PPP2R2B: variants seen among roughly 807,000 people sequenced by gnomAD.
PPP2R2B encodes the protein serine/threonine-protein phosphatase 2A 55 kDa regulatory subunit B beta isoform.
Under a neutral mutation model 46.0 loss-of-function variants are expected in PPP2R2B, and 5 were observed. The ratio of observed to expected loss-of-function variants is 0.11; its 90% CI spans 0.06 to 0.23. The LOEUF is 0.23. PPP2R2B is among the 10% of genes least tolerant of loss of function. PPP2R2B has a pLI of 1.00. For synonymous variants in PPP2R2B, 215 were observed against 206.7 expected (o/e 1.04, Z -0.34); for missense variants, 367 against 575.0 (o/e 0.64, Z 3.70).
chr5:147,053,214 TA>T (rs746583520), intron 1 of PPP2R2B, among the ~76,000 whole-genome samples: 37 of 80,986 alleles, frequency 4.6e-4, no homozygotes, highest in Middle Eastern at 9.1e-3. Context: ...CTTCCTGCAT[TA>T]AAAAAAAAAA....
At chr5:146,649,738 C>G (rs1196711786) in intron 6 of PPP2R2B, among the ~76,000 whole-genome samples, 4 of 152,212 alleles carry the variant, frequency 2.6e-5, no homozygotes, top group Non-Finnish European at 5.9e-5. Flanking sequence ...GCATAAGCCA[C>G]TGCGGCCAGC....
intron 5 of PPP2R2B, among the ~76,000 whole-genome samples, chr5:146,651,471 C>T (rs980256689): frequency 1.3e-5 from 2 of 152,110 alleles, no homozygotes; most frequent in Admixed American, 1.3e-4. Context: ...TGATTTCTTT[C>T]TGGTGGATCA....
intron 2 of PPP2R2B, among the ~76,000 whole-genome samples, chr5:146,865,510 C>T (rs113664188): frequency 0.018 from 2,716 of 152,230 alleles, 49 homozygotes; most frequent in Non-Finnish European, 0.029. Flanking sequence ...TTCATATTCA[C>T]GTGTGTTTTT....
chr5:146,891,048 C>T (rs749038017), intron 1 of PPP2R2B, among the ~76,000 whole-genome samples: 2 of 152,170 alleles, frequency 1.3e-5, no homozygotes, highest in Non-Finnish European at 2.9e-5. Context: ...GCTATCATGT[C>T]CCCAGCAAAT....
chr5:146,961,021 T>A (rs905070888), intron 1 of PPP2R2B, among the ~76,000 whole-genome samples: 3 of 152,230 alleles, frequency 2.0e-5, no homozygotes, highest in Non-Finnish European at 2.9e-5. Flanking sequence ...TTGCCCCAGC[T>A]TTTATCCTCT....
chr5:146,774,201 C>T (rs1271426201), intron 2 of PPP2R2B, among the ~76,000 whole-genome samples: 1 of 152,104 alleles, frequency 6.6e-6, no homozygotes, highest in Non-Finnish European at 1.5e-5. Flanking sequence ...ATGATAATAC[C>T]TAACTCATGG....
At chr5:146,689,118 C>A (rs1287988624) in intron 5 of PPP2R2B, among the ~76,000 whole-genome samples, 2 of 152,076 alleles carry the variant, frequency 1.3e-5, no homozygotes, top group Non-Finnish European at 2.9e-5. Flanking sequence ...GCCATGATGA[C>A]GATGATGTTA....
At chr5:147,031,118 T>TC (rs1340360376) in intron 1 of PPP2R2B, among the ~76,000 whole-genome samples, 1 of 151,828 alleles carries the variant, frequency 6.6e-6, no homozygotes, top group African/African-American at 2.4e-5. Context: ...GCCCCTGTAG[T>TC]CCCAGCCACT....
At chr5:146,931,715 T>C (rs528680532) in intron 1 of PPP2R2B, among the ~76,000 whole-genome samples, 1 of 152,272 alleles carries the variant, frequency 6.6e-6, no homozygotes, top group East Asian at 1.9e-4. Context: ...ACTGAAATTG[T>C]CCAAAGTGAG....
rs1209706969 is a variant in PPP2R2B, at chr5:146,878,240, G to A, written c.-124-45C>T. On this transcript the variant is annotated intron_variant, in intron 1 of 9. Transcript: ENST00000394411. This position sits in a 1 kb window ranked among gnomAD's most constrained non-coding sequence, Gnocchi z 4.5. ...GCGGAGAGAAAAAAAATAAAAACCC[G>A]GCAATGGAGCTGTCACCTCCTCCAC... is the stretch of plus-strand genomic sequence containing the variant. 2.0e-6 allele frequency: 3 copies of A among 1,520,974 alleles called. No homozygotes were observed. The highest frequency in any genetic ancestry group is 2.6e-6 in the Non-Finnish European group (3 of 1,136,158). 94.2% of individuals were successfully genotyped at this position (1,520,974 alleles called of 1,614,324 possible). A position where few individuals can be genotyped will look rare whatever the true frequency, so the allele number is the denominator to read the frequency against.
intron 1 of PPP2R2B, among the ~76,000 whole-genome samples, chr5:146,906,792 T>C (rs1763014486): frequency 6.6e-6 from 1 of 152,226 alleles, no homozygotes; most frequent in Non-Finnish European, 1.5e-5. Flanking sequence ...GGCAGTACTG[T>C]TCTACCTCAT....
intron 2 of PPP2R2B, among the ~76,000 whole-genome samples, chr5:146,729,591 C>T (rs1182213722): frequency 6.6e-6 from 1 of 152,174 alleles, no homozygotes; most frequent in Non-Finnish European, 1.5e-5. Flanking sequence ...CAGGACTGGG[C>T]CCAGGTCCTC....
chr5:146,871,737 G>T (rs941999642), intron 2 of PPP2R2B, among the ~76,000 whole-genome samples: 1 of 152,192 alleles, frequency 6.6e-6, no homozygotes, highest in Non-Finnish European at 1.5e-5. Flanking sequence ...TGAGCAGCAT[G>T]GGTGAGCAAA....
intron 2 of PPP2R2B, among the ~76,000 whole-genome samples, chr5:146,779,513 A>G (rs1255908110): frequency 6.6e-6 from 1 of 152,214 alleles, no homozygotes; most frequent in African/African-American, 2.4e-5. Context: ...GCCGGTTATT[A>G]CCGAGGTGTA....
chr5:146,784,453 T>A (rs1755719188), intron 2 of PPP2R2B, among the ~76,000 whole-genome samples: 1 of 152,202 alleles, frequency 6.6e-6, no homozygotes, highest in Admixed American at 6.5e-5. Flanking sequence ...CAACACAACA[T>A]TCCTTGGGAT....
chr5:146,870,578 A>G (rs1051146549), intron 2 of PPP2R2B, among the ~76,000 whole-genome samples: 1 of 152,208 alleles, frequency 6.6e-6, no homozygotes, highest in Non-Finnish European at 1.5e-5. Context: ...GCAACCCAGT[A>G]TGTGGCGTTT....
intron 1 of PPP2R2B, among the ~76,000 whole-genome samples, chr5:146,912,433 A>AG (rs1269863446): frequency 6.6e-6 from 1 of 151,830 alleles, no homozygotes; most frequent in Admixed American, 6.6e-5. Flanking sequence ...GAAAGAATAG[A>AG]GGGGGGATAT....
At chr5:146,691,945 T>G (rs1045274552) in intron 4 of PPP2R2B, among the ~76,000 whole-genome samples, 1 of 152,238 alleles carries the variant, frequency 6.6e-6, no homozygotes, top group Admixed American at 6.5e-5. Flanking sequence ...ATGTAATACC[T>G]ACCTAAAAAT....
At chr5:146,943,848 G>T (rs930633296) in intron 1 of PPP2R2B, among the ~76,000 whole-genome samples, 1 of 152,184 alleles carries the variant, frequency 6.6e-6, no homozygotes, top group Non-Finnish European at 1.5e-5. Flanking sequence ...TCCTTCACAT[G>T]GATTCACTAT....
Sources: allele counts gnomAD v4.1 joint callset (sites outside exome capture counted in the v4.1 genomes callset), GRCh38; gene constraint gnomAD v4.1.1; non-coding constraint Gnocchi (gnomAD v3.1); transcripts MANE v1.5; gene names NCBI Gene and HGNC (gene_info 2026-07-23, HGNC 2026-07-21).